PYCR3: variants seen among roughly 807,000 people sequenced by gnomAD.
PYCR3 encodes pyrroline-5-carboxylate reductase 3.
In PYCR3, 26 loss-of-function variants were observed where a neutral mutation model predicts 23.4. That is an observed-to-expected ratio of 1.11 (90% CI 0.81 to 1.54). The LOEUF (loss-of-function observed/expected upper bound fraction) is 1.54. PYCR3 is among the 40% of genes most tolerant of loss of function. PYCR3 has a pLI of 0.00. For missense variants in PYCR3, 360 were observed against 376.3 expected (o/e 0.96, Z 0.36); for synonymous variants, 194 against 162.6 (o/e 1.19, Z -1.47).
In PYCR3 at chr8:143,606,521, C is replaced by A. The variant is rs1236131132; in HGVS notation, c.495G>T (p.Val165=). Residue 165 remains valine (V), a synonymous_variant, in exon 4 of 6, where the codon GTG becomes GTT. Coordinates refer to ENST00000495276, the MANE Select transcript of PYCR3 (RefSeq NM_023078.6). ...TGTGGATGTCGACGTAGGCTTCAGG[C>A]ACCTCCTCACACCGCCCACAGGCCT... ...LLEACGRCEE[V]PEAYVDIHTG... is the part of the protein sequence containing the mutation. 1.9e-6 allele frequency: 3 copies of A among 1,612,788 alleles called. No homozygotes were observed. The Admixed American group carries it at 5.0e-5, about 27-fold the overall frequency.
intron 1 of PYCR3, among the ~76,000 whole-genome samples, chr8:143,609,194 A>C (rs866774294): frequency 6.6e-6 from 1 of 152,254 alleles, no homozygotes; most frequent in African/African-American, 2.4e-5. Context: ...GCAAAGAGAA[A>C]ATCAGAGGCT....
Position 143,605,132 on chromosome 8 carries a change from C to A in PYCR3, c.*568G>T, listed in dbSNP as rs766714232. ...CACAGCCACCCTCTTCTCCAGGCTG[C>A]AGGGCAGGCTCCAGCTCCCCATGGG... On this transcript the variant is annotated 3_prime_UTR_variant, in exon 6 of 6. Transcript: ENST00000495276. 2.8e-6 allele frequency: 1 copy of A among 356,734 alleles called. No individual in the cohort carries two copies. The highest frequency in any genetic ancestry group is 3.8e-5 in the Admixed American group (1 of 26,022). 22.1% of individuals were successfully genotyped at this position (356,734 alleles called of 1,614,324 possible). A position where few individuals can be genotyped will look rare whatever the true frequency, so the allele number is the denominator to read the frequency against.
chr8:143,607,375 T>G (rs531417754), intron 2 of PYCR3, among the ~76,000 whole-genome samples: 23 of 152,304 alleles, frequency 1.5e-4, no homozygotes, highest in African/African-American at 5.5e-4. Context: ...AGTGAATGTC[T>G]GTGACCACCA....
rs1173100270 is a variant in PYCR3, at chr8:143,604,629, G to A, written c.*1071C>T. 3.2e-6 allele frequency: 1 copy of A among 313,848 alleles called. No individual in the cohort carries two copies. The highest frequency in any genetic ancestry group is 6.2e-6 in the Non-Finnish European group (1 of 162,448). The allele number at this position is 313,848 out of a possible 1,614,324, so 19.4% of individuals were successfully genotyped here. A position where few individuals can be genotyped will look rare whatever the true frequency, so the allele number is the denominator to read the frequency against. On this transcript the variant is annotated 3_prime_UTR_variant, in exon 6 of 6. Transcript: ENST00000495276. ...GCTGCAGCAGTTGGGGCCAGCGTGGGACTGGAGGCCCAGGTGAATCTTGTG... is the reference window on the plus strand; with the variant it reads ...GCTGCAGCAGTTGGGGCCAGCGTGGAACTGGAGGCCCAGGTGAATCTTGTG...
chr8:143,604,568 G>A lies in PYCR3; in HGVS notation c.*1132C>T, dbSNP rs925253811. ...CCAGCCTCGCTGAGGGCATGCTCCC[G>A]CCTCACCTCCAGAGGCTGTTGGGCG... On this transcript the variant is annotated 3_prime_UTR_variant, in exon 6 of 6. Transcript: ENST00000495276. The A allele has an allele frequency of 3.0e-5, 9 of 304,090 alleles. No individual in the cohort carries two copies. Among genetic ancestry groups the A allele is most frequent in the Admixed American group, 4.9e-5 (1 of 20,226 alleles). 18.8% of individuals were successfully genotyped at this position (304,090 alleles called of 1,614,324 possible). A position where few individuals can be genotyped will look rare whatever the true frequency, so the allele number is the denominator to read the frequency against.
At position 143,605,055 on chromosome 8, in the gene PYCR3, G is replaced by A. The variant is rs915298175; in HGVS notation, c.*645C>T. On this transcript the variant is annotated 3_prime_UTR_variant, in exon 6 of 6. Transcript: ENST00000495276. ...CACCTGGTGCCACCCCAGCACTGCC[G>A]CAGACCTGGCCCAGCAGCTCCTGCT... The A allele has an allele frequency of 4.3e-5, 18 of 413,810 alleles. No homozygotes were observed. The highest frequency in any genetic ancestry group is 8.3e-5 in the African/African-American group (4 of 48,398). The allele number at this position is 413,810 out of a possible 1,614,324, so 25.6% of individuals were successfully genotyped here.
At chr8:143,606,897 A>G in intron 3 of PYCR3, 56 bp downstream of exon 3, 1 of 1,518,006 alleles carries the variant, frequency 6.6e-7, no homozygotes, top group Non-Finnish European at 8.9e-7. Context: ...CTGCCGCCCA[A>G]GCCTGGCCAG....
At position 143,605,722 on chromosome 8, in the gene PYCR3, G is replaced by T; in HGVS notation, c.803C>A (p.Ala268Asp). Residue 268 changes from alanine (A) to aspartate (D), a missense_variant, in exon 6 of 6, where the codon GCC becomes GAC. Ala to Asp is a moderately radical substitution (Grantham distance 126). Transcript: ENST00000495276. ...AGCCTACTTTCTGCTGAGCTCCTTG[G>T]CCCGGCAGGTGGCAGCCTCCACGGC... ...MSAVEAATCRAKELSRK is the reference protein window; with the variant it reads ...MSAVEAATCRDKELSRK 1 of 1,602,602 alleles carries T rather than the reference G, an allele frequency of 6.2e-7. No individual in the cohort carries two copies. Among genetic ancestry groups the T allele is most frequent in the Non-Finnish European group, 8.5e-7 (1 of 1,172,396 alleles).
intron 5 of PYCR3, 36 bp downstream of exon 5, chr8:143,606,026 C>T: frequency 6.3e-7 from 1 of 1,587,058 alleles, no homozygotes; most frequent in Non-Finnish European, 8.6e-7. Context: ...CAGGCCTGGG[C>T]CTTCCCGATG....
Position 143,605,880 on chromosome 8 carries a change from C to T in PYCR3, c.645G>A (p.Gly215=), listed in dbSNP as rs369663568. ...CCTCGTGCAGCAGCATCTTGGCCGT[C>T]CCCTGAGGAGAGCGTTAGGGCCTGG... ...AHRIAAQTLL[G]TAKMLLHEGQ... The change falls in exon 6 of 6, where the codon GGG becomes GGA. Residue 215 remains glycine, a splice_region_variant and synonymous_variant. Coordinates refer to ENST00000495276, the MANE Select transcript of PYCR3 (RefSeq NM_023078.6). 1.9e-4 allele frequency: 312 copies of T among 1,604,664 alleles called. 2 individuals are homozygous for T. The highest frequency in any genetic ancestry group is 2.4e-5 in the Non-Finnish European group (28 of 1,175,070).
At position 143,605,571 on chromosome 8, in the gene PYCR3, T is replaced by C. The variant is rs1170957542; in HGVS notation, c.*129A>G. 2 of 885,676 alleles carry C rather than the reference T, an allele frequency of 2.3e-6. No homozygotes were observed. Among genetic ancestry groups the C allele is most frequent in the Non-Finnish European group, 3.4e-6 (2 of 595,246 alleles). 54.9% of individuals were successfully genotyped at this position (885,676 alleles called of 1,614,324 possible). A position where few individuals can be genotyped will look rare whatever the true frequency, so the allele number is the denominator to read the frequency against. On this transcript the variant is annotated 3_prime_UTR_variant, in exon 6 of 6. Transcript: ENST00000495276. ...ACCTCCCAAGTCCTGCCCCCTGCAT[T>C]TCCCTGTGCAAGGGGAGAAGGAGCA...
intron 2 of PYCR3, among the ~76,000 whole-genome samples, chr8:143,607,778 T>G (rs1033401241): frequency 6.6e-6 from 1 of 151,598 alleles, no homozygotes; most frequent in Admixed American, 6.6e-5. Flanking sequence ...CATACACACA[T>G]GCACACGCAT....
chr8:143,606,959 C>T lies in PYCR3; in HGVS notation c.330G>A (p.Leu110=), dbSNP rs145096079. Residue 110 remains leucine, a synonymous_variant, in exon 3 of 6, where the codon CTG becomes CTA. Transcript: ENST00000495276. ...SVAAGVSLST[L]EELLPPNTRV... ...TAGCCCAAGGGACACTCACCTCCTC[C>T]AGGGTGCTCAGAGACACCCCAGCAG... The T allele has an allele frequency of 1.4e-5, 22 of 1,601,260 alleles. No homozygotes were observed. Among genetic ancestry groups the T allele is most frequent in the South Asian group, 5.5e-5 (5 of 90,242 alleles).
chr8:143,609,168 TGA>T (rs1563681298), intron 1 of PYCR3, among the ~76,000 whole-genome samples: 1 of 152,190 alleles, frequency 6.6e-6, no homozygotes, highest in Admixed American at 6.5e-5. Context: ...CTGCTCCCCA[TGA>T]GAGGGGCTGG....
rs575332988 is a variant in PYCR3, at chr8:143,604,541, G to A, written c.*1159C>T. The A allele has an allele frequency of 4.9e-5, 14 of 286,166 alleles. No homozygotes were observed. The East Asian group carries it at 1.2e-3, about 26-fold the overall frequency. The allele number at this position is 286,166 out of a possible 1,614,324, so 17.7% of individuals were successfully genotyped here. A position where few individuals can be genotyped will look rare whatever the true frequency, so the allele number is the denominator to read the frequency against. ...GGGAGATGGCACAGCAGGACCCGCC[G>A]CCCAGCCTCGCTGAGGGCATGCTCC... On this transcript the variant is annotated 3_prime_UTR_variant, in exon 6 of 6. Transcript: ENST00000495276.
intron 1 of PYCR3, among the ~76,000 whole-genome samples, chr8:143,609,152 G>A (rs1414166806): frequency 6.6e-6 from 1 of 152,234 alleles, no homozygotes; most frequent in Non-Finnish European, 1.5e-5. Flanking sequence ...TGGGGGAGAA[G>A]CCCTGCTGCT....
chr8:143,607,770 TACAC>T (rs1829444495), intron 2 of PYCR3, among the ~76,000 whole-genome samples: 5 of 138,040 alleles, frequency 3.6e-5, no homozygotes. Context: ...AGCACATACA[TACAC>T]ACATGCACAC....
In PYCR3 at chr8:143,605,678, G is replaced by A. The variant is rs1829373025; in HGVS notation, c.*22C>T. The A allele has an allele frequency of 3.8e-6, 6 of 1,577,034 alleles. No individual in the cohort carries two copies. Among genetic ancestry groups the A allele is most frequent in the East Asian group, 2.3e-5 (1 of 44,078 alleles). ...GGGAGAGGCAGGGGCACAGAGGCAGGAAAGGATGGCCAGAGCCCAGCCTAC... is the reference window on the plus strand; with the variant it reads ...GGGAGAGGCAGGGGCACAGAGGCAGAAAAGGATGGCCAGAGCCCAGCCTAC... On this transcript the variant is annotated 3_prime_UTR_variant, in exon 6 of 6. Transcript: ENST00000495276.
chr8:143,608,271 G>C (rs1411410495), intron 1 of PYCR3, 145 bp from the exon 2 acceptor site: 4 of 628,458 alleles, frequency 6.4e-6, no homozygotes, highest in Non-Finnish European at 8.4e-6. Flanking sequence ...CCCAAAGCGG[G>C]ATGCACCATT....
Sources: gnomAD v4.1 joint callset for allele counts (sites outside exome capture counted in the v4.1 genomes callset) on GRCh38, gnomAD v4.1.1 for gene constraint, MANE v1.5 for transcripts, NCBI Gene and HGNC (gene_info 2026-07-23, HGNC 2026-07-21) for gene names.